Variants in ASB3 observed in about 807,000 individuals in gnomAD.
ASB3 encodes the protein ankyrin repeat and SOCS box protein 3.
ASB3 carries 41 observed loss-of-function variants against 54.5 expected under a neutral mutation model. The ratio of observed to expected loss-of-function variants is 0.75; its 90% CI spans 0.59 to 0.98. ASB3 has a LOEUF of 0.98. Among genes scored for constraint, ASB3 ranks in the 50% least tolerant of loss-of-function variants. ASB3 has a pLI of 0.00. For missense variants in ASB3, 733 were observed against 620.0 expected (o/e 1.18, Z -1.94); for synonymous variants, 266 against 221.2 (o/e 1.20, Z -1.80).
intron 5 of ASB3, among the ~76,000 whole-genome samples, chr2:53,728,089 TAGC>T (rs1671107819): frequency 6.6e-6 from 1 of 152,076 alleles, no homozygotes; most frequent in African/African-American, 2.4e-5. Context: ...TTCATCAAGT[TAGC>T]ACTGTGAAGA....
chr2:53,786,458 C>T (rs1675009580), intron 1 of ASB3: 1 of 152,190 alleles, frequency 6.6e-6, no homozygotes, highest in African/African-American at 2.4e-5. Flanking sequence ...CAGGTTTCCC[C>T]TAACACAGAG....
chr2:53,779,818 G>T (rs1674545395), intron 1 of ASB3, among the ~76,000 whole-genome samples: 1 of 152,136 alleles, frequency 6.6e-6, no homozygotes, highest in Non-Finnish European at 1.5e-5. Flanking sequence ...AGAGCTCCCT[G>T]AACTACTTCT....
chr2:53,680,912 T>C (rs992974080), intron 9 of ASB3, among the ~76,000 whole-genome samples: 1 of 151,620 alleles, frequency 6.6e-6, no homozygotes, highest in African/African-American at 2.4e-5. Flanking sequence ...TTTCCCAGAC[T>C]TCTACTTTGT....
chr2:53,743,718 A>G (rs1000438619), intron 3 of ASB3, among the ~76,000 whole-genome samples: 2 of 152,236 alleles, frequency 1.3e-5, no homozygotes, highest in African/African-American at 2.4e-5. Flanking sequence ...CAGAAAGATA[A>G]TAAGTATCCT....
chr2:53,778,017 C>G (rs1054647670), intron 1 of ASB3, among the ~76,000 whole-genome samples: 2 of 151,872 alleles, frequency 1.3e-5, no homozygotes, highest in Non-Finnish European at 2.9e-5. Flanking sequence ...GGTGTGGTGG[C>G]GGGCACCTGT....
chr2:53,683,070 G>A (rs1411670412), intron 9 of ASB3, among the ~76,000 whole-genome samples: 2 of 152,168 alleles, frequency 1.3e-5, no homozygotes, highest in Non-Finnish European at 2.9e-5. Context: ...TAGAGGAAAA[G>A]CTTCAAGTAT....
chr2:53,753,797 G>A (rs562326640), intron 2 of ASB3, among the ~76,000 whole-genome samples: 1 of 151,130 alleles, frequency 6.6e-6, no homozygotes, highest in Non-Finnish European at 1.5e-5. Context: ...ACCACACCTG[G>A]GTAATTTTTT....
chr2:53,709,446 T>G (rs1669969625), intron 7 of ASB3, among the ~76,000 whole-genome samples: 1 of 152,182 alleles, frequency 6.6e-6, no homozygotes, highest in Non-Finnish European at 1.5e-5. Context: ...GCATTGGTCT[T>G]GCCTCTACCC....
chr2:53,693,929 GC>G lies in ASB3; in HGVS notation c.1323del (p.Met441IlefsTer22). ...CAAGCGTTTGAGGCACGAGCAGAGAGCATCCTTTCAACAGCTGGTGCAAGTG... is the reference window on the plus strand; with the variant it reads ...CAAGCGTTTGAGGCACGAGCAGAGAGATCCTTTCAACAGCTGGTGCAAGTG... ...WKTLAPAVERMLSARASNAWI... is the reference protein window; with the variant it reads ...WKTLAPAVERXLSARASNAWI... On this transcript the variant is annotated frameshift_variant, in exon 9 of 10. Transcript: ENST00000263634. LOFTEE classifies it high-confidence loss of function. The G allele has an allele frequency of 6.2e-7, 1 of 1,613,666 alleles. No homozygotes were observed. The highest frequency in any genetic ancestry group is 2.2e-5 in the East Asian group (1 of 44,856).
intron 1 of ASB3, among the ~76,000 whole-genome samples, chr2:53,775,751 C>T (rs951499703): frequency 6.6e-6 from 1 of 152,246 alleles, no homozygotes; most frequent in Non-Finnish European, 1.5e-5. Context: ...GCTAGGATTA[C>T]AGGTGTGAGC....
intron 9 of ASB3, among the ~76,000 whole-genome samples, chr2:53,678,024 T>G (rs1256120094): frequency 6.6e-6 from 1 of 152,190 alleles, no homozygotes; most frequent in Non-Finnish European, 1.5e-5. Context: ...TTGTATATAT[T>G]TAAAGTGTAC....
chr2:53,739,329 T>G (rs1188693016), intron 3 of ASB3, among the ~76,000 whole-genome samples: 2 of 152,132 alleles, frequency 1.3e-5, no homozygotes, highest in Non-Finnish European at 2.9e-5. Context: ...CAAAGCCCCA[T>G]GTGAAGATTT....
At chr2:53,699,461 G>C (rs1485389831) in intron 8 of ASB3, among the ~76,000 whole-genome samples, 2 of 152,160 alleles carry the variant, frequency 1.3e-5, no homozygotes, top group African/African-American at 4.8e-5. Flanking sequence ...TAATAGCTTT[G>C]GTAGAAAAAC....
At chr2:53,698,881 A>G (rs1382200777) in intron 8 of ASB3, among the ~76,000 whole-genome samples, 1 of 152,152 alleles carries the variant, frequency 6.6e-6, no homozygotes, top group African/African-American at 2.4e-5. Flanking sequence ...GTTCTTCCAA[A>G]CTTTACCAGC....
chr2:53,711,303 C>T (rs1408488250), intron 7 of ASB3, among the ~76,000 whole-genome samples: 1 of 152,204 alleles, frequency 6.6e-6, no homozygotes, highest in South Asian at 2.1e-4. Context: ...TACCTGATTC[C>T]TCTGACCAGA....
At chr2:53,730,496 T>C (rs1671244088) in intron 3 of ASB3, among the ~76,000 whole-genome samples, 1 of 152,216 alleles carries the variant, frequency 6.6e-6, no homozygotes, top group African/African-American at 2.4e-5. Context: ...TGAATGGTGC[T>C]GCAAGGAACA....
intron 8 of ASB3, among the ~76,000 whole-genome samples, chr2:53,696,035 T>C (rs1003046695): frequency 6.6e-6 from 1 of 152,208 alleles, no homozygotes; most frequent in South Asian, 2.1e-4. Flanking sequence ...GAATGTAAAT[T>C]TGATCAAAGA....
At chr2:53,676,505 C>A (rs1007545736) in intron 9 of ASB3, among the ~76,000 whole-genome samples, 7 of 152,138 alleles carry the variant, frequency 4.6e-5, no homozygotes, top group African/African-American at 1.4e-4. Flanking sequence ...GGTGGCCCCA[C>A]AAGATTATAA....
chr2:53,744,159 G>A (rs1475011344), intron 3 of ASB3, among the ~76,000 whole-genome samples: 2 of 151,632 alleles, frequency 1.3e-5, no homozygotes, highest in African/African-American at 2.4e-5. Flanking sequence ...GGTGGACTGC[G>A]AGGTCAGGAG....
Sources: allele counts gnomAD v4.1 joint callset (sites outside exome capture counted in the v4.1 genomes callset), GRCh38; gene constraint gnomAD v4.1.1; transcripts MANE v1.5; gene names NCBI Gene and HGNC (gene_info 2026-07-23, HGNC 2026-07-21).